Variants in FAM216A observed in about 807,000 individuals in gnomAD.
The protein encoded by FAM216A is family with sequence similarity 216 member A, also known as protein FAM216A.
FAM216A carries 26 observed loss-of-function variants against 37.6 expected under a neutral mutation model. The ratio of observed to expected loss-of-function variants is 0.69; its 90% CI spans 0.51 to 0.96. FAM216A has a LOEUF of 0.96. FAM216A is among the 40% of genes least tolerant of loss of function. The pLI is 0.00. For synonymous variants in FAM216A, 110 were observed against 121.7 expected (o/e 0.90, Z 0.64); for missense variants, 326 against 339.3 (o/e 0.96, Z 0.31).
At chr12:110,484,653 C>T (rs2062766633) in intron 2 of FAM216A, among the ~76,000 whole-genome samples, 1 of 151,654 alleles carries the variant, frequency 6.6e-6, no homozygotes, top group South Asian at 2.1e-4. Context: ...TTTGTGTGCT[C>T]TAAAACCAAA....
intron 6 of FAM216A, 131 bp downstream of exon 6, chr12:110,488,074 A>T (rs1267746594): frequency 1.6e-6 from 1 of 637,650 alleles, no homozygotes; most frequent in East Asian, 2.9e-5. Flanking sequence ...ATTGTCACAA[A>T]TAAAAAACCA....
At chr12:110,475,586 T>C (rs1459743118) in intron 2 of FAM216A, among the ~76,000 whole-genome samples, 2 of 151,814 alleles carry the variant, frequency 1.3e-5, no homozygotes, top group African/African-American at 4.8e-5. Flanking sequence ...TATTTATTTA[T>C]TATAAGGCAA....
intron 2 of FAM216A, among the ~76,000 whole-genome samples, chr12:110,478,142 TGAATA>T: frequency 6.6e-6 from 1 of 152,348 alleles, no homozygotes; most frequent in East Asian, 1.9e-4. Context: ...CTTATACCAT[TGAATA>T]GGTTAAATAC....
chr12:110,485,212 G>A lies in FAM216A; in HGVS notation c.306+13G>A. On this transcript the variant is annotated intron_variant, in intron 3 of 6. Transcript: ENST00000377673. ...GTCCTTTTTCAAGGTATGCTAACAGGGACATATTTAAATACCAATACTCTT... is the reference window on the plus strand; with the variant it reads ...GTCCTTTTTCAAGGTATGCTAACAGAGACATATTTAAATACCAATACTCTT... 6.3e-7 allele frequency: 1 copy of A among 1,595,962 alleles called. No homozygotes were observed. The highest frequency in any genetic ancestry group is 8.5e-7 in the Non-Finnish European group (1 of 1,174,650).
intron 6 of FAM216A, among the ~76,000 whole-genome samples, chr12:110,488,231 G>A (rs879567723): frequency 6.6e-6 from 1 of 152,010 alleles, no homozygotes; most frequent in East Asian, 1.9e-4. Flanking sequence ...CCAACATGGC[G>A]AAACTCCCAT....
rs2062778080 is a variant in FAM216A, at chr12:110,486,584, C to G, written c.487C>G (p.Gln163Glu). Residue 163 changes from glutamine (Q) to glutamate (E), a missense_variant, in exon 5 of 7, where the codon CAG (glutamine) becomes GAG (glutamate). Gln to Glu is a conservative substitution (Grantham distance 29). Transcript: ENST00000377673. ...SRLSSRYSQK[Q>E]HYPCTTWRHQ... ...CCTTAGCTCCCGTTACTCACAGAAA[C>G]AGCATTACCCTTGCACTACATGGCG... 1 of 1,613,984 alleles carries G rather than the reference C, an allele frequency of 6.2e-7. No individual in the cohort carries two copies. The highest frequency in any genetic ancestry group is 1.1e-5 in the South Asian group (1 of 91,080).
Position 110,471,103 on chromosome 12 carries a change from C to CT in FAM216A, c.144-1966dup, listed in dbSNP as rs890726645. 4.6e-5 allele frequency among the ~76,000 whole-genome samples: 7 copies of CT among 150,578 alleles called. No individual in the cohort carries two copies. The East Asian group carries it at 7.8e-4, about 17-fold the overall frequency. On this transcript the variant is annotated intron_variant, in intron 1 of 6. Coordinates refer to ENST00000377673, the MANE Select transcript of FAM216A (RefSeq NM_013300.3). ...TCCGGAACTCCTTACTTTTTTTCTT[C>CT]TTTTTTTTTGAGATGGAGTCTCGCT...
chr12:110,472,972 T>C, intron 1 of FAM216A, 106 bp from the exon 2 acceptor site: 1 of 335,018 alleles, frequency 3.0e-6, no homozygotes. Flanking sequence ...TGAGACCCTG[T>C]CTCAAAAAAA....
chr12:110,473,958 T>C (rs1298356212), intron 2 of FAM216A, among the ~76,000 whole-genome samples: 2 of 152,206 alleles, frequency 1.3e-5, no homozygotes, highest in Admixed American at 1.3e-4. Flanking sequence ...TATGTATATA[T>C]ATTTTAAGTA....
At chr12:110,489,231 G>A (rs2062795717) in intron 6 of FAM216A, among the ~76,000 whole-genome samples, 2 of 152,016 alleles carry the variant, frequency 1.3e-5, no homozygotes, top group African/African-American at 2.4e-5. Flanking sequence ...TTGGCCAGGC[G>A]CAGTGGCTCA....
chr12:110,481,143 C>T (rs1037553630), intron 2 of FAM216A, among the ~76,000 whole-genome samples: 1 of 152,028 alleles, frequency 6.6e-6, no homozygotes, highest in Non-Finnish European at 1.5e-5. Context: ...TTTGTATATA[C>T]CACATTTTGT....
rs112851054 is a variant in FAM216A, at chr12:110,487,647, CAG to C, written c.621-213_621-212del. 211 of 529,134 alleles carry C rather than the reference CAG, an allele frequency of 4.0e-4. 1 individual carries two copies. Among genetic ancestry groups the C allele is most frequent in the African/African-American group, 3.4e-3 (174 of 51,810 alleles). 32.8% of individuals were successfully genotyped at this position (529,134 alleles called of 1,614,324 possible). A position where few individuals can be genotyped will look rare whatever the true frequency, so the allele number is the denominator to read the frequency against. The stretch of plus-strand genomic sequence containing the variant: ...TTATGCACAGGGGAATACTATATAA[CAG>C]GGAGAGGAAAAAGATTAAGCAGCAT... On this transcript the variant is annotated intron_variant, in intron 5 of 6. Coordinates refer to ENST00000377673, the MANE Select transcript of FAM216A (RefSeq NM_013300.3).
intron 6 of FAM216A, 44 bp from the exon 7 acceptor site, chr12:110,489,975 T>C (rs1185287723): frequency 1.0e-6 from 1 of 963,804 alleles, no homozygotes; most frequent in African/African-American, 1.6e-5. Context: ...ACTTAGAGCT[T>C]TATTTCCAAA....
At chr12:110,482,729 A>G (rs1592980866) in intron 2 of FAM216A, among the ~76,000 whole-genome samples, 1 of 151,020 alleles carries the variant, frequency 6.6e-6, no homozygotes, top group Non-Finnish European at 1.5e-5. Flanking sequence ...TGGGAGGCGG[A>G]GCTTGCAGTG....
At chr12:110,489,483 A>G (rs903501094) in intron 6 of FAM216A, among the ~76,000 whole-genome samples, 2 of 151,858 alleles carry the variant, frequency 1.3e-5, no homozygotes, top group Non-Finnish European at 2.9e-5. Context: ...TAGTCTCCAA[A>G]AAAAAAAAAA....
intron 2 of FAM216A, among the ~76,000 whole-genome samples, chr12:110,479,686 A>G (rs539050892): frequency 1.3e-5 from 2 of 152,048 alleles, no homozygotes; most frequent in South Asian, 2.1e-4. Context: ...AAAATACAAA[A>G]AATTAGCTGG....
At chr12:110,475,514 A>G (rs1249183259) in intron 2 of FAM216A, among the ~76,000 whole-genome samples, 2 of 151,386 alleles carry the variant, frequency 1.3e-5, no homozygotes, top group African/African-American at 4.9e-5. Flanking sequence ...AGTGCTGGGC[A>G]GGCATGAGCC....
At chr12:110,488,267 T>C (rs2062787598) in intron 6 of FAM216A, among the ~76,000 whole-genome samples, 1 of 151,644 alleles carries the variant, frequency 6.6e-6, no homozygotes, top group African/African-American at 2.4e-5. Flanking sequence ...AAAACTTAGC[T>C]GGGCGTGATG....
At chr12:110,480,297 G>A (rs554326637) in intron 2 of FAM216A, among the ~76,000 whole-genome samples, 252 of 149,664 alleles carry the variant, frequency 1.7e-3, no homozygotes, top group Non-Finnish European at 3.0e-3. Flanking sequence ...TCCACCTCCC[G>A]GGTTCACGCC....
Sources: allele counts gnomAD v4.1 joint callset (sites outside exome capture counted in the v4.1 genomes callset), GRCh38; gene constraint gnomAD v4.1.1; transcripts MANE v1.5; gene names NCBI Gene and HGNC (gene_info 2026-07-23, HGNC 2026-07-21).